Variants in PCLO observed in about 807,000 individuals in gnomAD.
PCLO encodes the protein piccolo presynaptic cytomatrix protein, also known as protein piccolo.
In PCLO, 82 loss-of-function variants were observed where a neutral mutation model predicts 427.5. The observed-to-expected ratio is 0.19, with a 90% CI of 0.16 to 0.23. PCLO has a LOEUF of 0.23. Among genes scored for constraint, PCLO ranks in the 10% least tolerant of loss-of-function variants. The probability of loss-of-function intolerance (pLI) is 1.00; values close to 1 mark genes in which losing one functional copy is unlikely to be tolerated. For missense variants in PCLO, 6,239 were observed against 6,115.9 expected (o/e 1.02, Z -0.67); for synonymous variants, 2,357 against 2,155.4 (o/e 1.09, Z -2.59).
At chr7:83,052,525 T>C (rs1022490103) in intron 3 of PCLO, among the ~76,000 whole-genome samples, 1 of 152,012 alleles carries the variant, frequency 6.6e-6, no homozygotes, top group Admixed American at 6.6e-5. Context: ...GATATTTATA[T>C]GAGATAATGC....
rs1554351811 is a variant in PCLO at position 82,915,948 on chromosome 7, A to G, written c.12038T>C (p.Ile4013Thr). The part of the protein sequence containing the change: ...GSKYNSLDLR[I>T]GLEERSSMAS... Reference sequence around the variant, plus strand: ...CATGCTACTTCTTTCCTCCAAACCTATTCTCAAGTCTAAACTATTGTACTT... The same window carrying G: ...CATGCTACTTCTTTCCTCCAAACCTGTTCTCAAGTCTAAACTATTGTACTT... Residue 4013 changes from isoleucine (I) to threonine (T), a missense_variant, in exon 7 of 25, where the codon ATA (isoleucine) becomes ACA (threonine). Around this residue, in one of 5 missense-constraint regions of PCLO, gnomAD observed 680 missense variants for 677.3 expected, o/e 1.00. Transcript: ENST00000333891. 3.1e-6 allele frequency: 5 copies of G among 1,613,102 alleles called. No individual in the cohort carries two copies. Among genetic ancestry groups the G allele is most frequent in the Non-Finnish European group, 4.2e-6 (5 of 1,179,750 alleles).
chr7:82,771,397 C>T (rs1790644481), intron 22 of PCLO, among the ~76,000 whole-genome samples: 1 of 151,550 alleles, frequency 6.6e-6, no homozygotes, highest in Admixed American at 6.6e-5. Flanking sequence ...ATTTGGTTTT[C>T]AAGTAAAAAA....
intron 20 of PCLO, among the ~76,000 whole-genome samples, chr7:82,817,409 A>C (rs956796040): frequency 6.6e-6 from 1 of 152,074 alleles, no homozygotes; most frequent in Admixed American, 6.6e-5. Flanking sequence ...AGAAACAGGG[A>C]AGGCTAAATT....
chr7:82,925,320 AT>A (rs1794688096), intron 6 of PCLO, among the ~76,000 whole-genome samples: 2 of 146,470 alleles, frequency 1.4e-5, no homozygotes, highest in South Asian at 4.1e-4. Flanking sequence ...GAATTAACAT[AT>A]TCCTTTGATT....
chr7:82,807,662 T>C (rs748574850), intron 20 of PCLO, among the ~76,000 whole-genome samples: 9 of 152,056 alleles, frequency 5.9e-5, no homozygotes, highest in Non-Finnish European at 1.0e-4. Context: ...AAGGAATTTT[T>C]ATATATATTC....
At chr7:82,835,008 G>A (rs752847601) in intron 16 of PCLO, among the ~76,000 whole-genome samples, 2 of 151,688 alleles carry the variant, frequency 1.3e-5, no homozygotes, top group Non-Finnish European at 2.9e-5. Context: ...GCAGGGGTGC[G>A]ATCTTGGCTC....
chr7:83,077,861 A>G (rs904737530), intron 3 of PCLO, among the ~76,000 whole-genome samples: 18 of 152,138 alleles, frequency 1.2e-4, no homozygotes, highest in African/African-American at 4.3e-4. Context: ...GAGATTCATC[A>G]CAATAAATGT....
chr7:82,915,884 G>A lies in PCLO; in HGVS notation c.12102C>T (p.Phe4034=). ...SPISSISADS[F]YADIDHHTPR... Reference sequence around the variant, plus strand: ...GAGTATGGTGATCAATATCTGCATAGAAAGAATCTGCAGATATGCTTGATA... The same window carrying A: ...GAGTATGGTGATCAATATCTGCATAAAAAGAATCTGCAGATATGCTTGATA... The change falls in exon 7 of 25, where the codon TTC becomes TTT. Residue 4034 remains phenylalanine (F), a synonymous_variant. Coordinates refer to ENST00000333891, the MANE Select transcript of PCLO (RefSeq NM_033026.6). The A allele has an allele frequency of 1.2e-6, 2 of 1,613,420 alleles. No homozygotes were observed. Among genetic ancestry groups the A allele is most frequent in the Non-Finnish European group, 1.7e-6 (2 of 1,179,692 alleles).
At chr7:83,066,619 C>T (rs1397039982) in intron 3 of PCLO, among the ~76,000 whole-genome samples, 1 of 152,026 alleles carries the variant, frequency 6.6e-6, no homozygotes, top group African/African-American at 2.4e-5. Flanking sequence ...AGACCTATAC[C>T]TTTAATTATG....
At chr7:83,113,520 A>G (rs1045899606) in intron 3 of PCLO, among the ~76,000 whole-genome samples, 3 of 152,236 alleles carry the variant, frequency 2.0e-5, no homozygotes, top group Non-Finnish European at 4.4e-5. Context: ...AAAGCAAGGT[A>G]GGAAGCTGGT....
chr7:82,889,834 A>G (rs1257949561), intron 9 of PCLO, among the ~76,000 whole-genome samples: 6 of 152,098 alleles, frequency 3.9e-5, no homozygotes, highest in African/African-American at 1.4e-4. Flanking sequence ...AAATGTATTT[A>G]TTGGGCAATT....
At chr7:82,880,264 T>C (rs1027325765) in intron 9 of PCLO, among the ~76,000 whole-genome samples, 7 of 152,308 alleles carry the variant, frequency 4.6e-5, no homozygotes, top group Non-Finnish European at 1.0e-4. Context: ...TGGGACATTG[T>C]TGCATATATG....
At chr7:82,830,483 G>A (rs1019730869) in intron 16 of PCLO, among the ~76,000 whole-genome samples, 3 of 151,852 alleles carry the variant, frequency 2.0e-5, no homozygotes, top group African/African-American at 7.2e-5. Context: ...GAAAGAATTA[G>A]TGACGACTTT....
Position 82,952,997 on chromosome 7 carries a change from A to C in PCLO, c.7956T>G (p.Pro2652=), listed in dbSNP as rs772516241. 8.1e-6 allele frequency: 13 copies of C among 1,613,796 alleles called. No homozygotes were observed. The South Asian group carries it at 1.4e-4, about 18-fold the overall frequency. Residue 2652 remains proline, a synonymous_variant, in exon 5 of 25, where the codon CCT becomes CCG. Coordinates refer to ENST00000333891, the MANE Select transcript of PCLO (RefSeq NM_033026.6). ...CTTGAAATGAAGAGGGTGCTGTGAC[A>C]GGGGTAGCAGAAAATGTCTGTAAAG... The part of the protein sequence containing the change: ...SGALQTFSAT[P]VTAPSSFQAA...
intron 3 of PCLO, among the ~76,000 whole-genome samples, chr7:83,039,112 A>G (rs1788905952): frequency 6.6e-6 from 1 of 152,052 alleles, no homozygotes; most frequent in Admixed American, 6.6e-5. Flanking sequence ...TAGTTAATAT[A>G]CAAATCCCTT....
intron 10 of PCLO, among the ~76,000 whole-genome samples, chr7:82,874,651 T>C (rs1332605113): frequency 1.3e-5 from 2 of 152,168 alleles, no homozygotes; most frequent in Non-Finnish European, 2.9e-5. Flanking sequence ...CAGTTATTTA[T>C]AGAGGAAGCA....
intron 3 of PCLO, among the ~76,000 whole-genome samples, chr7:83,124,965 G>GA (rs1791392519): frequency 9.2e-5 from 14 of 152,080 alleles, no homozygotes; most frequent in Non-Finnish European, 1.9e-4. Context: ...CGTGTTGGCC[G>GA]GGCTGGTCTC....
chr7:82,788,690 T>C (rs1275788342), intron 22 of PCLO, among the ~76,000 whole-genome samples: 1 of 152,078 alleles, frequency 6.6e-6, no homozygotes, highest in East Asian at 1.9e-4. Context: ...TCTAGACTTG[T>C]CTGCCAGAGA....
At chr7:82,839,260 C>T (rs1273936931) in intron 14 of PCLO, among the ~76,000 whole-genome samples, 1 of 152,018 alleles carries the variant, frequency 6.6e-6, no homozygotes, top group Non-Finnish European at 1.5e-5. Context: ...AGATATGCTG[C>T]ATTTATATTT....
Sources: allele counts gnomAD v4.1 joint callset (sites outside exome capture counted in the v4.1 genomes callset), GRCh38; gene constraint gnomAD v4.1.1; regional missense constraint gnomAD v4.1.1; transcripts MANE v1.5; gene names NCBI Gene and HGNC (gene_info 2026-07-23, HGNC 2026-07-21).